SMARCA2: variants seen among roughly 807,000 people sequenced by gnomAD.
SMARCA2 encodes the protein SWI/SNF-related matrix-associated actin-dependent regulator of chromatin subfamily A member 2.
SMARCA2 carries 61 observed loss-of-function variants against 199.8 expected under a neutral mutation model. That is an observed-to-expected ratio of 0.31 (90% confidence interval 0.25 to 0.38). The LOEUF (loss-of-function observed/expected upper bound fraction) is 0.38, where lower values mean the gene tolerates loss of function less well. SMARCA2 is among the 10% of genes least tolerant of loss of function. The pLI, the probability that SMARCA2 is intolerant of heterozygous loss-of-function variation, is 1.00. For synonymous variants in SMARCA2, 935 were observed against 732.0 expected (o/e 1.28, Z -4.48); for missense variants, 1,344 against 2,012.2 (o/e 0.67, Z 6.35).
chr9:2,109,178 A>G (rs1200057375), intron 23 of SMARCA2, among the ~76,000 whole-genome samples: 1 of 152,188 alleles, frequency 6.6e-6, no homozygotes, highest in Non-Finnish European at 1.5e-5. Context: ...TTTCATCCTT[A>G]AAAAATGAAC....
At chr9:2,151,093 T>C (rs1463202201) in intron 27 of SMARCA2, among the ~76,000 whole-genome samples, 1 of 151,470 alleles carries the variant, frequency 6.6e-6, no homozygotes, top group Non-Finnish European at 1.5e-5. Flanking sequence ...ACACAGACTT[T>C]GGGGCTAACT....
At chr9:2,188,111 G>GA (rs963170634) in intron 32 of SMARCA2, among the ~76,000 whole-genome samples, 4 of 152,066 alleles carry the variant, frequency 2.6e-5, no homozygotes, top group African/African-American at 7.2e-5. Flanking sequence ...AGATGATTTG[G>GA]AAAATGTAAT....
At chr9:2,162,796 C>A (rs895999116) in intron 28 of SMARCA2, 1 of 152,080 alleles carries the variant, frequency 6.6e-6, no homozygotes, top group Non-Finnish European at 1.5e-5. Context: ...TACTGCAGTA[C>A]CAGGTCGATG....
chr9:2,159,542 G>T, intron 27 of SMARCA2: 1 of 307,596 alleles, frequency 3.3e-6, no homozygotes, highest in Non-Finnish European at 6.0e-6. Context: ...TTTCTTACTG[G>T]CTTAATTGTT....
At chr9:2,087,193 TG>T in intron 18 of SMARCA2, 122 bp downstream of exon 18, 1 of 1,217,018 alleles carries the variant, frequency 8.2e-7, no homozygotes, top group South Asian at 1.4e-5. Flanking sequence ...GTTTATTTTA[TG>T]AAACCCATCG....
intron 3 of SMARCA2, among the ~76,000 whole-genome samples, chr9:2,034,222 G>A (rs1389333939): frequency 1.6e-5 from 2 of 124,624 alleles, no homozygotes; most frequent in African/African-American, 6.2e-5. Flanking sequence ...CTAGCCTGGC[G>A]ACAGAGCAAG....
intron 27 of SMARCA2, among the ~76,000 whole-genome samples, chr9:2,134,650 C>T (rs545436603): frequency 2.6e-5 from 4 of 152,306 alleles, no homozygotes; most frequent in African/African-American, 9.6e-5. Flanking sequence ...GTCTCCTGAC[C>T]TTCCTGGGTT....
At chr9:2,073,399 CT>C in intron 11 of SMARCA2, 57 bp downstream of exon 11, 1 of 1,602,150 alleles carries the variant, frequency 6.2e-7, no homozygotes, top group African/African-American at 1.3e-5. Context: ...TTTTGGTAAT[CT>C]TGTACGATCT....
At chr9:2,071,988 AT>A (rs1265669683) in intron 10 of SMARCA2, 1 of 152,150 alleles carries the variant, frequency 6.6e-6, no homozygotes, top group African/African-American at 2.4e-5. Flanking sequence ...TTTTAAGGTT[AT>A]TTTTGTGGAT....
chr9:2,084,121 G>A lies in SMARCA2; in HGVS notation c.2451G>A (p.Gln817=), dbSNP rs1352847751. The A allele has an allele frequency of 6.2e-7, 1 of 1,612,856 alleles. No individual in the cohort carries two copies. Among genetic ancestry groups the A allele is most frequent in the Non-Finnish European group, 8.5e-7 (1 of 1,178,958 alleles). Residue 817 remains glutamine (Q), a synonymous_variant, in exon 17 of 34, where the codon CAG becomes CAA. Transcript: ENST00000349721. ...TPAMRRSLVP[Q]LRSGKFNVLL... ...CCATGCGTCGCTCCCTTGTCCCCCA[G>A]CTACGGAGTGGCAAATTCAATGTCC...
intron 31 of SMARCA2, among the ~76,000 whole-genome samples, chr9:2,184,228 T>G (rs898190093): frequency 9.2e-5 from 14 of 152,182 alleles, no homozygotes; most frequent in African/African-American, 3.4e-4. Flanking sequence ...GCTTCCCCAG[T>G]TACATTTCTT....
intron 31 of SMARCA2, among the ~76,000 whole-genome samples, chr9:2,183,443 CA>C (rs1173895929): frequency 6.6e-6 from 1 of 152,190 alleles, no homozygotes; most frequent in Non-Finnish European, 1.5e-5. Context: ...AATTACACCT[CA>C]ATTACTGTCA....
chr9:2,128,031 C>T (rs1823773582), intron 27 of SMARCA2, among the ~76,000 whole-genome samples: 1 of 151,922 alleles, frequency 6.6e-6, no homozygotes, highest in South Asian at 2.1e-4. Context: ...CTTAGATGTC[C>T]TTAGTGTTAG....
At chr9:2,141,109 C>T (rs1050493103) in intron 27 of SMARCA2, among the ~76,000 whole-genome samples, 1 of 152,022 alleles carries the variant, frequency 6.6e-6, no homozygotes, top group Non-Finnish European at 1.5e-5. Flanking sequence ...TTCCTCTCCC[C>T]AGGGGAGAGA....
intron 3 of SMARCA2, among the ~76,000 whole-genome samples, chr9:2,037,461 T>C (rs1563722595): frequency 6.6e-6 from 1 of 152,224 alleles, no homozygotes; most frequent in African/African-American, 2.4e-5. Context: ...TCTCATCAGT[T>C]GGTGGAGCAA....
At chr9:2,177,981 G>C (rs1049034349) in intron 29 of SMARCA2, among the ~76,000 whole-genome samples, 1 of 151,682 alleles carries the variant, frequency 6.6e-6, no homozygotes, top group Admixed American at 6.6e-5. Flanking sequence ...TCATAGTATA[G>C]ATGTGGAATT....
intron 29 of SMARCA2, among the ~76,000 whole-genome samples, chr9:2,180,029 T>A (rs1826904268): frequency 6.6e-6 from 1 of 152,162 alleles, no homozygotes; most frequent in Non-Finnish European, 1.5e-5. Context: ...ATAAAATAGT[T>A]CTTGTCATAT....
At chr9:2,062,089 A>G (rs569294288) in intron 9 of SMARCA2, among the ~76,000 whole-genome samples, 1 of 152,306 alleles carries the variant, frequency 6.6e-6, no homozygotes, top group East Asian at 1.9e-4. Flanking sequence ...TTAGTGAGGA[A>G]CATATACGTA....
chr9:2,106,346 C>G (rs993429478), intron 23 of SMARCA2, among the ~76,000 whole-genome samples: 8 of 152,178 alleles, frequency 5.3e-5, no homozygotes, highest in Admixed American at 4.6e-4. Context: ...TTTCAATTGA[C>G]TAATTGCAAA....
Sources: allele counts gnomAD v4.1 joint callset (sites outside exome capture counted in the v4.1 genomes callset), GRCh38; gene constraint gnomAD v4.1.1; transcripts MANE v1.5; gene names NCBI Gene and HGNC (gene_info 2026-07-23, HGNC 2026-07-21).